MIPEP: variants seen among roughly 807,000 people sequenced by gnomAD.
The protein encoded by MIPEP is mitochondrial intermediate peptidase.
Under a neutral mutation model 90.3 loss-of-function variants are expected in MIPEP, and 79 were observed. The ratio of observed to expected loss-of-function variants is 0.87; its 90% CI spans 0.73 to 1.05. The LOEUF is 1.05. Among genes scored for constraint, MIPEP ranks in the 50% least tolerant of loss-of-function variants. The probability of loss-of-function intolerance (pLI) is 0.00; values close to 1 mark genes in which losing one functional copy is unlikely to be tolerated. For synonymous variants in MIPEP, 334 were observed against 315.8 expected (o/e 1.06, Z -0.61); for missense variants, 940 against 905.6 (o/e 1.04, Z -0.49).
intron 10 of MIPEP, among the ~76,000 whole-genome samples, chr13:23,852,098 G>A (rs532352520): frequency 6.6e-6 from 1 of 152,154 alleles, no homozygotes; most frequent in Admixed American, 6.5e-5. Context: ...CTGATAATAT[G>A]ACAAAAAAGA....
chr13:23,764,961 T>C (rs1222989338), intron 16 of MIPEP, among the ~76,000 whole-genome samples: 2 of 152,252 alleles, frequency 1.3e-5, no homozygotes. Context: ...TGGAACATTA[T>C]ACAGTTGACT....
chr13:23,741,884 G>A (rs1036708432), intron 18 of MIPEP, among the ~76,000 whole-genome samples: 80 of 152,040 alleles, frequency 5.3e-4, no homozygotes, highest in African/African-American at 1.7e-3. Context: ...CCACAGCACT[G>A]GACTTAGTAG....
At chr13:23,756,952 G>A in intron 17 of MIPEP, 1 of 288,062 alleles carries the variant, frequency 3.5e-6, no homozygotes, top group South Asian at 5.0e-5. Flanking sequence ...GACTGGTTTT[G>A]TGAAAGACAA....
chr13:23,751,438 C>T (rs1952439539), intron 18 of MIPEP, among the ~76,000 whole-genome samples: 1 of 152,194 alleles, frequency 6.6e-6, no homozygotes, highest in African/African-American at 2.4e-5. Context: ...AGAATTGACT[C>T]ATTTAGCTAC....
intron 15 of MIPEP, 23 bp downstream of exon 15, chr13:23,809,827 T>A (rs1280664168): frequency 1.3e-6 from 2 of 1,542,830 alleles, no homozygotes; most frequent in Non-Finnish European, 1.8e-6. Context: ...CCGGAAAACT[T>A]CAGAACAAAG....
At chr13:23,866,280 ATTAT>A (rs1037488281) in intron 7 of MIPEP, among the ~76,000 whole-genome samples, 6 of 151,984 alleles carry the variant, frequency 3.9e-5, no homozygotes, top group Admixed American at 3.9e-4. Flanking sequence ...AACCTCTATT[ATTAT>A]TTATCTTTTT....
Position 23,793,403 on chromosome 13 carries a change from G to T in MIPEP, c.1848+12547C>A, listed in dbSNP as rs192473784. 6.5e-4 allele frequency among the ~76,000 whole-genome samples: 99 copies of T among 152,228 alleles called. No individual in the cohort carries two copies. The Middle Eastern group carries it at 0.014, about 21-fold the overall frequency. Reference sequence around the variant, plus strand: ...CTAGTGGTTAACTTTAAAGGGGGTCGCAAGAGCCTTCTGGATAACTGCAGA... The same window carrying T: ...CTAGTGGTTAACTTTAAAGGGGGTCTCAAGAGCCTTCTGGATAACTGCAGA... On this transcript the variant is annotated intron_variant, in intron 16 of 18. Transcript: ENST00000382172.
intron 1 of MIPEP, 129 bp from the exon 2 acceptor site, chr13:23,886,635 TCACAGATAC>T (rs944641978): frequency 5.6e-5 from 33 of 593,610 alleles, no homozygotes; most frequent in Non-Finnish European, 7.7e-5. Context: ...ATACCTGTGA[TCACAGATAC>T]CACTATCATA....
At chr13:23,840,993 T>G (rs779029336) in intron 11 of MIPEP, among the ~76,000 whole-genome samples, 1 of 152,092 alleles carries the variant, frequency 6.6e-6, no homozygotes, top group Non-Finnish European at 1.5e-5. Flanking sequence ...TCCAATGGAT[T>G]TGGGAATTAA....
chr13:23,733,855 G>T (rs1443297851), intron 18 of MIPEP, among the ~76,000 whole-genome samples: 1 of 152,202 alleles, frequency 6.6e-6, no homozygotes, highest in Non-Finnish European at 1.5e-5. Flanking sequence ...TACTAGAAGA[G>T]AATGTCATTG....
At position 23,732,816 on chromosome 13, in the gene MIPEP, G is replaced by C. The variant is rs147585000; in HGVS notation, c.2045-2371C>G. 7.2e-3 allele frequency among the ~76,000 whole-genome samples: 1,103 copies of C among 152,330 alleles called. 9 individuals are homozygous for C. Among genetic ancestry groups the C allele is most frequent in the Non-Finnish European group, 0.012 (796 of 68,032 alleles). ...GGAGGGCCTCTGGTGTGATGGTCAT[G>C]TTCTACATCTGGATAGTGATTTGAG... is the stretch of plus-strand genomic sequence containing the variant. On this transcript the variant is annotated intron_variant, in intron 18 of 18. Coordinates refer to ENST00000382172, the MANE Select transcript of MIPEP (RefSeq NM_005932.4).
chr13:23,778,312 ACTG>A (rs1952738984), intron 16 of MIPEP, among the ~76,000 whole-genome samples: 1 of 152,220 alleles, frequency 6.6e-6, no homozygotes, highest in South Asian at 2.1e-4. Flanking sequence ...AAAGCAAATA[ACTG>A]CTTTCTTTTA....
At chr13:23,849,080 A>G (rs1425030491) in intron 10 of MIPEP, among the ~76,000 whole-genome samples, 4 of 152,222 alleles carry the variant, frequency 2.6e-5, no homozygotes, top group African/African-American at 4.8e-5. Context: ...CACAGGCCCC[A>G]GTACAGCCCT....
chr13:23,765,195 G>C (rs1952580937), intron 16 of MIPEP, among the ~76,000 whole-genome samples: 1 of 152,104 alleles, frequency 6.6e-6, no homozygotes, highest in East Asian at 1.9e-4. Context: ...CCATGCTCGG[G>C]GGGTGGGTCC....
At chr13:23,746,564 G>A (rs1180807339) in intron 18 of MIPEP, among the ~76,000 whole-genome samples, 2 of 149,478 alleles carry the variant, frequency 1.3e-5, no homozygotes, top group Non-Finnish European at 3.0e-5. Flanking sequence ...AACCAAGGAG[G>A]CAGAGGTTGT....
chr13:23,759,649 C>T (rs867967292), intron 17 of MIPEP, among the ~76,000 whole-genome samples: 1 of 152,168 alleles, frequency 6.6e-6, no homozygotes, highest in African/African-American at 2.4e-5. Context: ...GAAAGCAGGA[C>T]TACTGATCCT....
chr13:23,782,680 A>G (rs1275999100), intron 16 of MIPEP, among the ~76,000 whole-genome samples: 1 of 152,220 alleles, frequency 6.6e-6, no homozygotes, highest in Non-Finnish European at 1.5e-5. Context: ...GGTTTTTTGA[A>G]AAGATCAACA....
At chr13:23,856,574 C>T (rs1435596896) in intron 10 of MIPEP, among the ~76,000 whole-genome samples, 5 of 152,084 alleles carry the variant, frequency 3.3e-5, no homozygotes, top group Non-Finnish European at 7.4e-5. Flanking sequence ...GCTAACTTCC[C>T]GGTCATTGGC....
At chr13:23,863,874 ATTTTGGTAAAGATTT>A (rs1234733814) in intron 8 of MIPEP, among the ~76,000 whole-genome samples, 1 of 152,234 alleles carries the variant, frequency 6.6e-6, no homozygotes, top group Admixed American at 6.5e-5. Flanking sequence ...TTTCAAAAAC[ATTTTGGTAAAGATTT>A]TTAAAGTGCA....
Sources: allele counts gnomAD v4.1 joint callset (sites outside exome capture counted in the v4.1 genomes callset), GRCh38; gene constraint gnomAD v4.1.1; transcripts MANE v1.5; gene names NCBI Gene and HGNC (gene_info 2026-07-23, HGNC 2026-07-21).